The following COL7A1 variants were observed in gnomAD, a reference collection of about 807,000 sequenced individuals.
The protein encoded by COL7A1 is collagen alpha-1(VII) chain.
In COL7A1, 296 loss-of-function variants were observed where a neutral mutation model predicts 456.2. The ratio of observed to expected loss-of-function variants is 0.65; its 90% CI spans 0.59 to 0.71. COL7A1 has a LOEUF of 0.71. Ranked by LOEUF, COL7A1 falls within the 30% of genes least tolerant of loss-of-function variation. The pLI is 0.00. For missense variants in COL7A1, 3,441 were observed against 4,017.2 expected, an observed-to-expected ratio of 0.86 and a Z score of 3.88; for synonymous variants, 1,464 against 1,525.9, an observed-to-expected ratio of 0.96 and a Z score of 0.95.
chr3:48,571,875 C>T lies in COL7A1; in HGVS notation c.7068+126G>A, dbSNP rs1308078297. The T allele has an allele frequency of 4.3e-6, 5 of 1,164,506 alleles. No individual in the cohort carries two copies. The highest frequency in any genetic ancestry group is 6.2e-6 in the Non-Finnish European group (5 of 800,816). The allele number at this position is 1,164,506 out of a possible 1,614,324, so 72.1% of individuals were successfully genotyped here. On this transcript the variant is annotated intron_variant, in intron 92 of 118. Transcript: ENST00000681320. The surrounding 1 kb of genome is among the most constrained non-coding windows in gnomAD (Gnocchi z 4.6). Reference sequence around the variant, plus strand: ...CTCCCTGTGATCCAGAGAGCAGGCTCCTGGATGTTGGGACATGCAGCCCGA... The same window carrying T: ...CTCCCTGTGATCCAGAGAGCAGGCTTCTGGATGTTGGGACATGCAGCCCGA...
At position 48,593,916 on chromosome 3, in the gene COL7A1, A is replaced by C. The variant is rs1367459437; in HGVS notation, c.267-220T>G. On this transcript the variant is annotated intron_variant, in intron 3 of 118. Coordinates refer to ENST00000681320, the MANE Select transcript of COL7A1 (RefSeq NM_000094.4). This position sits in a 1 kb window ranked among gnomAD's most constrained non-coding sequence, Gnocchi z 4.4. ...CTGCAGGTGGGCCTGGGCAGACCTG[A>C]AGGAGCCCTTAGGGGCTCACAGTCT... is the stretch of plus-strand genomic sequence containing the variant. Among the ~76,000 whole-genome samples the C allele has an allele frequency of 1.3e-5, 2 of 152,208 alleles. No homozygotes were observed. The highest frequency in any genetic ancestry group is 4.8e-5 in the African/African-American group (2 of 41,466).
Position 48,570,571 on chromosome 3 carries a change from C to A in COL7A1, c.7344+68G>T. ...TCCCCCAACACCCCACAGTGTGGCC[C>A]GCCCCATCCTAAGTCCTCACGAGGA... On this transcript the variant is annotated intron_variant, in intron 96 of 118. Transcript: ENST00000681320. The surrounding 1 kb of genome is among the most constrained non-coding windows in gnomAD (Gnocchi z 5.5). The A allele has an allele frequency of 3.7e-6, 6 of 1,613,400 alleles. No individual in the cohort carries two copies. The highest frequency in any genetic ancestry group is 5.1e-6 in the Non-Finnish European group (6 of 1,179,554).
chr3:48,585,518 GGAGT>G lies in COL7A1; in HGVS notation c.3894+35_3894+38del. ...TGTAAAAACCCCGAGACAGCTTTGA[GGAGT>G]GCCTCAGAGAAACCTCGATGGTCTC... is the stretch of plus-strand genomic sequence containing the variant. On this transcript the variant is annotated intron_variant, in intron 32 of 118. Coordinates refer to ENST00000681320, the MANE Select transcript of COL7A1 (RefSeq NM_000094.4). The surrounding 1 kb of genome is among the most constrained non-coding windows in gnomAD (Gnocchi z 4.5). 1 of 1,602,128 alleles carries G rather than the reference GGAGT, an allele frequency of 6.2e-7. No homozygotes were observed. Among genetic ancestry groups the G allele is most frequent in the East Asian group, 2.2e-5 (1 of 44,838 alleles).
chr3:48,586,180 C>G lies in COL7A1; in HGVS notation c.3617G>C (p.Gly1206Ala). The G allele has an allele frequency of 6.2e-7, 1 of 1,613,372 alleles. No homozygotes were observed. Among genetic ancestry groups the G allele is most frequent in the Non-Finnish European group, 8.5e-7 (1 of 1,180,038 alleles). ...DPEQLRRLAP[G>A]MDSVQTFFAV... is the part of the protein sequence containing the mutation. The stretch of plus-strand genomic sequence containing the variant: ...GAAGAAGGTCTGGACAGAGTCCATA[C>G]CCGGCGCCAAGCGACGCAGCTGCTC... Residue 1206 changes from glycine to alanine, a missense_variant, in exon 28 of 119, where the codon GGT becomes GCT. Around this residue, in one of 3 missense-constraint regions of COL7A1, gnomAD observed 2,084 missense variants for 2,501.3 expected, o/e 0.83. Coordinates refer to ENST00000681320, the MANE Select transcript of COL7A1 (RefSeq NM_000094.4). This position sits in a 1 kb window ranked among gnomAD's most constrained non-coding sequence, Gnocchi z 5.1.
Position 48,590,732 on chromosome 3 carries a change from C to T in COL7A1, c.1721G>A (p.Arg574Gln), listed in dbSNP as rs201557549. 6.1e-5 allele frequency: 99 copies of T among 1,614,028 alleles called. No individual in the cohort carries two copies. The Admixed American group carries it at 1.4e-3, about 23-fold the overall frequency. Residue 574 changes from arginine to glutamine, a missense_variant, in exon 14 of 119, where the codon CGG becomes CAG. Physicochemically the swap from Arg to Gln is conservative, Grantham distance 43. Around this residue, in one of 3 missense-constraint regions of COL7A1, gnomAD observed 913 missense variants for 1,088.2 expected, o/e 0.84. Coordinates refer to ENST00000681320, the MANE Select transcript of COL7A1 (RefSeq NM_000094.4). This position sits in a 1 kb window ranked among gnomAD's most constrained non-coding sequence, Gnocchi z 4.6. ...ACGGGGACCCACTCGAGCAGACACC[C>T]GCACAGTGTAGCTAAGCCCAGCCTG... ...DVQAGLSYTV[R>Q]VSARVGPREG...
chr3:48,575,570 C>G lies in COL7A1; in HGVS notation c.5980-31G>C. 6.2e-7 allele frequency: 1 copy of G among 1,612,468 alleles called. No individual in the cohort carries two copies. Among genetic ancestry groups the G allele is most frequent in the Non-Finnish European group, 8.5e-7 (1 of 1,179,998 alleles). ...GGAGTGGAAGAGAGAATGCTGGTGG[C>G]TGTACAGCTACACCCCACTCCACGG... On this transcript the variant is annotated intron_variant, in intron 73 of 118. Transcript: ENST00000681320. The surrounding 1 kb of genome is among the most constrained non-coding windows in gnomAD (Gnocchi z 6.3).
chr3:48,579,608 G>C lies in COL7A1; in HGVS notation c.5215C>G (p.Pro1739Ala). ...PRGPKGDPGL[P>A]GAPGERGIEG... is the part of the protein sequence containing the mutation. ...CTCACCCTTTCCCCAGGGGCTCCAG[G>C]GAGGCCAGGATCACCCTTGGGCCCT... The change falls in exon 59 of 119, where the codon CCT becomes GCT. Residue 1739 changes from proline to alanine, a missense_variant. Around this residue, in one of 3 missense-constraint regions of COL7A1, gnomAD observed 2,084 missense variants for 2,501.3 expected, o/e 0.83. Coordinates refer to ENST00000681320, the MANE Select transcript of COL7A1 (RefSeq NM_000094.4). This position sits in a 1 kb window ranked among gnomAD's most constrained non-coding sequence, Gnocchi z 4.4. 6.2e-7 allele frequency: 1 copy of C among 1,613,790 alleles called. No homozygotes were observed. The highest frequency in any genetic ancestry group is 8.5e-7 in the Non-Finnish European group (1 of 1,180,000).
In COL7A1 at chr3:48,593,766, T is replaced by C; in HGVS notation, c.267-70A>G. The stretch of plus-strand genomic sequence containing the variant: ...TTCTGGCCCTGGCCTTGAGGAGGCC[T>C]CTAGGGTGAGGGTTACGGGTATCAG... On this transcript the variant is annotated intron_variant, in intron 3 of 118. Transcript: ENST00000681320. This position sits in a 1 kb window ranked among gnomAD's most constrained non-coding sequence, Gnocchi z 4.4. 1 of 1,581,416 alleles carries C rather than the reference T, an allele frequency of 6.3e-7. No homozygotes were observed.
At position 48,565,246 on chromosome 3, in the gene COL7A1, C is replaced by T. The variant is rs781077978; in HGVS notation, c.8528-45G>A. 5.1e-6 allele frequency: 8 copies of T among 1,577,550 alleles called. No homozygotes were observed. Among genetic ancestry groups the T allele is most frequent in the African/African-American group, 1.3e-5 (1 of 74,290 alleles). ...TGCTGGGAGCAGTGGCTGCTGGCCC[C>T]GGGGCAAGGTGGGCAGCACTGATTT... On this transcript the variant is annotated intron_variant, in intron 116 of 118. Transcript: ENST00000681320. This position sits in a 1 kb window ranked among gnomAD's most constrained non-coding sequence, Gnocchi z 4.5.
chr3:48,573,540 T>G lies in COL7A1; in HGVS notation c.6591A>C (p.Ala2197=). Residue 2197 remains alanine, a synonymous_variant, in exon 83 of 119, where the codon GCA becomes GCC. Transcript: ENST00000681320. This position sits in a 1 kb window ranked among gnomAD's most constrained non-coding sequence, Gnocchi z 5.5. ...PPGAPGLAGP[A]GPQGPSGLKG... is the part of the protein sequence containing the mutation. ...TCAGGCCAGAAGGTCCTTGGGGTCC[T>G]GCAGGGCCAGCAAGACCCTAGAGAA... is the stretch of plus-strand genomic sequence containing the variant. 1 of 1,614,050 alleles carries G rather than the reference T, an allele frequency of 6.2e-7. No homozygotes were observed. Among genetic ancestry groups the G allele is most frequent in the Non-Finnish European group, 8.5e-7 (1 of 1,180,000 alleles).
Position 48,582,345 on chromosome 3 carries a change from C to T in COL7A1, c.4613G>A (p.Arg1538His), listed in dbSNP as rs2229824. The T allele has an allele frequency of 9.0e-4, 1,459 of 1,613,994 alleles. 12 individuals carry two copies. In the African/African-American group the frequency reaches 0.017, roughly 19 times the overall value. ...GRQGEKGEPGRPGDPAVVGPA... is the reference protein window; with the variant it reads ...GRQGEKGEPGHPGDPAVVGPA... ...CACCACCACTGCAGGGTCCCCAGGG[C>T]GACCAGGCTCCCCCTGTGGAGAGAG... is the stretch of plus-strand genomic sequence containing the variant. Residue 1538 changes from arginine (R) to histidine (H), a missense_variant, in exon 47 of 119, where the codon CGC (arginine) becomes CAC (histidine). Coordinates refer to ENST00000681320, the MANE Select transcript of COL7A1 (RefSeq NM_000094.4).
rs765488636 is a variant in COL7A1 at position 48,590,191 on chromosome 3, AG to A, written c.2050+21del. On this transcript the variant is annotated intron_variant, in intron 16 of 118. Transcript: ENST00000681320. This position sits in a 1 kb window ranked among gnomAD's most constrained non-coding sequence, Gnocchi z 4.6. ...AAAGAGCAATGGAGGCAGAGAGCCA[AG>A]GGACGGGGGCAGGGCCTGACCCGTT... 1.2e-6 allele frequency: 2 copies of A among 1,609,114 alleles called. No individual in the cohort carries two copies.
rs769451600 is a variant in COL7A1, at chr3:48,594,360, C to T, written c.266+8G>A. On this transcript the variant is annotated splice_region_variant and intron_variant, in intron 3 of 118. Coordinates refer to ENST00000681320, the MANE Select transcript of COL7A1 (RefSeq NM_000094.4). The surrounding 1 kb of genome is among the most constrained non-coding windows in gnomAD (Gnocchi z 5.5). ...TCGTGGTCCCCAGCCCCCAGGGCCC[C>T]TACTCACCGTGGGTCATCGCTGTAC... 6.2e-7 allele frequency: 1 copy of T among 1,607,790 alleles called. No individual in the cohort carries two copies. The highest frequency in any genetic ancestry group is 1.1e-5 in the South Asian group (1 of 90,850).
chr3:48,573,637 G>A lies in COL7A1; in HGVS notation c.6573+53C>T. 1.2e-6 allele frequency: 2 copies of A among 1,612,862 alleles called. No homozygotes were observed. The highest frequency in any genetic ancestry group is 1.7e-6 in the Non-Finnish European group (2 of 1,179,334). On this transcript the variant is annotated intron_variant, in intron 82 of 118. Coordinates refer to ENST00000681320, the MANE Select transcript of COL7A1 (RefSeq NM_000094.4). This position sits in a 1 kb window ranked among gnomAD's most constrained non-coding sequence, Gnocchi z 5.5. ...GCCTGGCTCATCAGCTGTGGCCAAT[G>A]CCTATCCCAGCCCTTCCAGACCCTC...
chr3:48,587,750 G>A lies in COL7A1; in HGVS notation c.2857+43C>T, dbSNP rs767778157. ...GTCGGGGTGCAGGAAGTCAGGGTGG[G>A]TCATCAGCAGGGGAGGAGCACGCCA... On this transcript the variant is annotated intron_variant, in intron 22 of 118. Transcript: ENST00000681320. The surrounding 1 kb of genome is among the most constrained non-coding windows in gnomAD (Gnocchi z 6.1). 2 of 1,613,304 alleles carry A rather than the reference G, an allele frequency of 1.2e-6. No homozygotes were observed. The highest frequency in any genetic ancestry group is 1.7e-6 in the Non-Finnish European group (2 of 1,179,914).
At position 48,579,778 on chromosome 3, in the gene COL7A1, C is replaced by G. The variant is rs1435815535; in HGVS notation, c.5154+7G>C. The stretch of plus-strand genomic sequence containing the variant: ...CTTTCTTACCCTCCACCCACAGACC[C>G]TAATACCTTCTCTCTGGCTCCAGGT... On this transcript the variant is annotated splice_region_variant and intron_variant, in intron 58 of 118. Transcript: ENST00000681320. The surrounding 1 kb of genome is among the most constrained non-coding windows in gnomAD (Gnocchi z 4.4). 6.2e-7 allele frequency: 1 copy of G among 1,614,110 alleles called. No homozygotes were observed. Among genetic ancestry groups the G allele is most frequent in the Non-Finnish European group, 8.5e-7 (1 of 1,180,038 alleles).
Position 48,570,125 on chromosome 3 carries a change from G to A in COL7A1, c.7485+9C>T, listed in dbSNP as rs745495385. 6.8e-6 allele frequency: 11 copies of A among 1,614,072 alleles called. No homozygotes were observed. The highest frequency in any genetic ancestry group is 2.2e-5 in the East Asian group (1 of 44,880). Reference sequence around the variant, plus strand: ...TCACAGCACTGTCACTTTCCCCAGCGGGACCCACCGTGAGTCCTCGGGGTC... The same window carrying A: ...TCACAGCACTGTCACTTTCCCCAGCAGGACCCACCGTGAGTCCTCGGGGTC... On this transcript the variant is annotated intron_variant, in intron 99 of 118. Coordinates refer to ENST00000681320, the MANE Select transcript of COL7A1 (RefSeq NM_000094.4). The surrounding 1 kb of genome is among the most constrained non-coding windows in gnomAD (Gnocchi z 5.5).
chr3:48,594,583 G>T lies in COL7A1; in HGVS notation c.86-35C>A. On this transcript the variant is annotated intron_variant, in intron 2 of 118. Transcript: ENST00000681320. The surrounding 1 kb of genome is among the most constrained non-coding windows in gnomAD (Gnocchi z 5.5). ...GCAGGAGAGATCAGGGCCTCTTCTG[G>T]GAGGCCAACCACCCGCCTACCCGCA... 1 of 1,547,510 alleles carries T rather than the reference G, an allele frequency of 6.5e-7. No homozygotes were observed. Among genetic ancestry groups the T allele is most frequent in the Non-Finnish European group, 8.7e-7 (1 of 1,149,220 alleles).
Position 48,564,696 on chromosome 3 carries a change from G to A in COL7A1, c.8818+87C>T. 6.9e-7 allele frequency: 1 copy of A among 1,450,620 alleles called. No homozygotes were observed. The highest frequency in any genetic ancestry group is 1.3e-5 in the South Asian group (1 of 78,036). The allele number at this position is 1,450,620 out of a possible 1,614,324, so 89.9% of individuals were successfully genotyped here. ...AGCGTCTCCTCCAGGACCCTGACCT[G>A]GAACCCTGGCCCAAGGACTCCTCCC... On this transcript the variant is annotated intron_variant, in intron 118 of 118. Transcript: ENST00000681320. The surrounding 1 kb of genome is among the most constrained non-coding windows in gnomAD (Gnocchi z 6.0).
Sources: gnomAD v4.1 joint callset for allele counts (sites outside exome capture counted in the v4.1 genomes callset) on GRCh38, gnomAD v4.1.1 for gene constraint, gnomAD v4.1.1 regional missense constraint, Gnocchi (gnomAD v3.1) non-coding constraint, MANE v1.5 for transcripts, NCBI Gene and HGNC (gene_info 2026-07-23, HGNC 2026-07-21) for gene names.